Variants in VPS9D1 observed in about 807,000 individuals in gnomAD.
VPS9D1 encodes the protein VPS9 domain containing 1, also known as VPS9 domain-containing protein 1.
Under a neutral mutation model 75.8 loss-of-function variants are expected in VPS9D1, and 78 were observed. The observed-to-expected ratio is 1.03, with a 90% confidence interval of 0.86 to 1.24. The LOEUF (loss-of-function observed/expected upper bound fraction) is 1.24, where lower values mean the gene tolerates loss of function less well. Among genes scored for constraint, VPS9D1 ranks in the 50% most tolerant of loss-of-function variants. VPS9D1 has a pLI of 0.00. For synonymous variants in VPS9D1, 481 were observed against 385.6 expected (o/e 1.25, Z -2.90); for missense variants, 1,057 against 847.7 (o/e 1.25, Z -3.07).
chr16:89,708,902 T>C lies in VPS9D1; in HGVS notation c.1652A>G (p.Glu551Gly). Residue 551 changes from glutamate (E) to glycine (G), a missense_variant, in exon 13 of 15, where the codon GAG (glutamate) becomes GGG (glycine). Coordinates refer to ENST00000389386, the MANE Select transcript of VPS9D1 (RefSeq NM_004913.3). ...VCAEDYCPTP[E>G]ATPQAGPPPI... ...CGGGGGCCCGGCCTGGGGTGTGGCC[T>C]CTGGGGTGGGGCAGTAGTCTTCCGC... is the stretch of plus-strand genomic sequence containing the variant. 1 of 1,597,696 alleles carries C rather than the reference T, an allele frequency of 6.3e-7. No homozygotes were observed. Among genetic ancestry groups the C allele is most frequent in the Non-Finnish European group, 8.5e-7 (1 of 1,175,236 alleles).
rs553417390 is a variant in VPS9D1, at chr16:89,708,245, C to T, written c.1802+182G>A. Among the ~76,000 whole-genome samples, 13 of 152,334 alleles carry T rather than the reference C, an allele frequency of 8.5e-5. No homozygotes were observed. In the South Asian group the frequency reaches 2.7e-3, roughly 32 times the overall value. ...GGGAGAGGCTGAGCTAAGCGAAGGG[C>T]CACGGGACATGTGGCAGCAGGCACT... On this transcript the variant is annotated intron_variant, in intron 14 of 14. Transcript: ENST00000389386.
At chr16:89,718,752 T>C (rs1270641407) in intron 2 of VPS9D1, among the ~76,000 whole-genome samples, 1 of 151,970 alleles carries the variant, frequency 6.6e-6, no homozygotes, top group Non-Finnish European at 1.5e-5. Context: ...GTTTCGCTCT[T>C]GTTCCAGGCT....
chr16:89,709,946 C>T, intron 10 of VPS9D1, 40 bp from the exon 11 acceptor site: 1 of 1,561,430 alleles, frequency 6.4e-7, no homozygotes, highest in Non-Finnish European at 8.7e-7. Flanking sequence ...AGAGGCTCCT[C>T]CCCTGCTGGG....
chr16:89,707,822 C>T lies in VPS9D1; in HGVS notation c.*39G>A, dbSNP rs764943625. On this transcript the variant is annotated 3_prime_UTR_variant, in exon 15 of 15. Coordinates refer to ENST00000389386, the MANE Select transcript of VPS9D1 (RefSeq NM_004913.3). ...GTGTAGGAGAGACAGCCCTGGGAGG[C>T]GAGGCCAGGCCCTGCAGGGACCCTG... The T allele has an allele frequency of 5.0e-6, 8 of 1,593,882 alleles. No homozygotes were observed. The highest frequency in any genetic ancestry group is 1.7e-4 in the Middle Eastern group (1 of 5,928).
rs765535933 is a variant in VPS9D1, at chr16:89,712,062, T to C, written c.644A>G (p.Gln215Arg). The C allele has an allele frequency of 4.5e-6, 7 of 1,548,548 alleles. No homozygotes were observed. Among genetic ancestry groups the C allele is most frequent in the South Asian group, 1.2e-5 (1 of 83,982 alleles). The change falls in exon 7 of 15, where the codon CAG (glutamine) becomes CGG (arginine). Residue 215 changes from glutamine to arginine, a missense_variant. Physicochemically the swap from Gln to Arg is conservative, Grantham distance 43. Coordinates refer to ENST00000389386, the MANE Select transcript of VPS9D1 (RefSeq NM_004913.3). ...RKMEERRLRL[Q>R]EAANRRFCSQ... ...GGAGTCCCACCTGTTGGCGGCCTCC[T>C]GGAGCCGCAGCCGGCGCTCCTCCAT... is the stretch of plus-strand genomic sequence containing the variant.
chr16:89,712,532 G>C lies in VPS9D1; in HGVS notation c.544-10C>G. On this transcript the variant is annotated splice_polypyrimidine_tract_variant and intron_variant, in intron 5 of 14. Transcript: ENST00000389386. ...GCTGTAGAGAGAGGGTCTGGGGGGG[G>C]AGGAGGGAGTAAGGCCGACTCCCCT... 1 of 1,612,018 alleles carries C rather than the reference G, an allele frequency of 6.2e-7. No individual in the cohort carries two copies. The highest frequency in any genetic ancestry group is 1.3e-5 in the African/African-American group (1 of 74,984).
At chr16:89,718,255 A>G (rs2061138168) in intron 2 of VPS9D1, 1 of 366,934 alleles carries the variant, frequency 2.7e-6, no homozygotes, top group African/African-American at 2.1e-5. Flanking sequence ...GAGGCCGTTT[A>G]CTGCTCCCAT....
At position 89,719,085 on chromosome 16, in the gene VPS9D1, G is replaced by A. The variant is rs774806440; in HGVS notation, c.117C>T (p.Tyr39=). 13 of 1,613,496 alleles carry A rather than the reference G, an allele frequency of 8.1e-6. No individual in the cohort carries two copies. Among genetic ancestry groups the A allele is most frequent in the South Asian group, 4.4e-5 (4 of 91,088 alleles). The change falls in exon 2 of 15, where the codon TAC becomes TAT. Residue 39 remains tyrosine, a synonymous_variant. Coordinates refer to ENST00000389386, the MANE Select transcript of VPS9D1 (RefSeq NM_004913.3). ...GGGAGATATAGTGGATGCTCCTCAG[G>A]TATTCCGTGTATGCCTCCTGTGTCC... ...GNRPREAYTE[Y]LRSIHYISQV...
intron 4 of VPS9D1, among the ~76,000 whole-genome samples, chr16:89,713,315 C>T (rs947442765): frequency 1.7e-4 from 26 of 151,262 alleles, no homozygotes; most frequent in African/African-American, 5.6e-4. Context: ...AGCGCAGTGG[C>T]GCAATCTCGG....
chr16:89,719,386 C>T, intron 1 of VPS9D1: 2 of 546,250 alleles, frequency 3.7e-6, no homozygotes, highest in Non-Finnish European at 7.0e-6. Context: ...CTCTGACTGC[C>T]TTTCTCTCCA....
At chr16:89,710,313 C>A (rs879494298) in intron 10 of VPS9D1, among the ~76,000 whole-genome samples, 1 of 152,046 alleles carries the variant, frequency 6.6e-6, no homozygotes, top group African/African-American at 2.4e-5. Flanking sequence ...GGGCTGGGCG[C>A]GGTGGCTCAT....
chr16:89,712,166 C>T (rs1000983927), intron 6 of VPS9D1, 67 bp from the exon 7 acceptor site: 43 of 1,543,374 alleles, frequency 2.8e-5, no homozygotes, highest in Non-Finnish European at 3.6e-5. Context: ...CCCCGTCCCA[C>T]ACCCGGAGAG....
intron 5 of VPS9D1, 24 bp from the exon 6 acceptor site, chr16:89,712,546 G>A (rs1213678408): frequency 2.5e-6 from 4 of 1,610,378 alleles, no homozygotes; most frequent in Admixed American, 1.7e-5. Flanking sequence ...AGGGAGTAAG[G>A]CCGACTCCCC....
intron 6 of VPS9D1, 117 bp downstream of exon 6, chr16:89,712,343 C>A: frequency 6.8e-7 from 1 of 1,471,754 alleles, no homozygotes; most frequent in Non-Finnish European, 9.2e-7. Flanking sequence ...GGGAGCCCCT[C>A]GGCCCTGTAC....
chr16:89,719,781 G>A (rs1381449474), intron 1 of VPS9D1, among the ~76,000 whole-genome samples: 1 of 152,120 alleles, frequency 6.6e-6, no homozygotes, highest in Non-Finnish European at 1.5e-5. Flanking sequence ...TGCAGTGGCA[G>A]GATCTCGAGT....
chr16:89,720,727 C>A (rs1445110066), intron 1 of VPS9D1, 36 bp downstream of exon 1: 20 of 1,418,398 alleles, frequency 1.4e-5, no homozygotes, highest in Non-Finnish European at 1.8e-5. Flanking sequence ...CAGGGGCCAC[C>A]CTCAGCGGCC....
In VPS9D1 at chr16:89,713,601, G is replaced by A. The variant is rs563624454; in HGVS notation, c.432-885C>T. ...AGCTGGACCACTGGACTTCTATGGA[G>A]ATCCGTTATATGTGTTTGGCAACAG... On this transcript the variant is annotated intron_variant, in intron 4 of 14. Transcript: ENST00000389386. Among the ~76,000 whole-genome samples the A allele has an allele frequency of 5.9e-5, 9 of 152,264 alleles. No individual in the cohort carries two copies. In the East Asian group the frequency reaches 1.2e-3, roughly 20 times the overall value.
intron 14 of VPS9D1, among the ~76,000 whole-genome samples, 195 bp downstream of exon 14, chr16:89,708,232 G>A (rs117316142): frequency 0.026 from 3,996 of 152,340 alleles, 74 homozygotes; most frequent in Middle Eastern, 0.095. Flanking sequence ...GAGAGGCTGA[G>A]CTAAGCGAAG....
In VPS9D1 at chr16:89,710,953, G is replaced by T; in HGVS notation, c.891C>A (p.Ser297Arg). 6.8e-7 allele frequency: 1 copy of T among 1,466,560 alleles called. No individual in the cohort carries two copies. Among genetic ancestry groups the T allele is most frequent in the Non-Finnish European group, 9.0e-7 (1 of 1,114,022 alleles). 90.8% of individuals were successfully genotyped at this position (1,466,560 alleles called of 1,614,324 possible). The stretch of plus-strand genomic sequence containing the variant: ...CTCTGCTCACGGCGGGATACAGGGC[G>T]CTGTACACGGAGCACTGCAGCCGCC... ...LLRRLQCSVY[S>R]ALYPAVSRAA... The change falls in exon 10 of 15, where the codon AGC (serine) becomes AGA (arginine). Residue 297 changes from serine to arginine, a missense_variant. By Grantham distance (110) the Ser-to-Arg change is moderately radical. Coordinates refer to ENST00000389386, the MANE Select transcript of VPS9D1 (RefSeq NM_004913.3).
Sources: allele counts gnomAD v4.1 joint callset (sites outside exome capture counted in the v4.1 genomes callset), GRCh38; gene constraint gnomAD v4.1.1; transcripts MANE v1.5; gene names NCBI Gene and HGNC (gene_info 2026-07-23, HGNC 2026-07-21).